The following ZNF829 variants were observed in gnomAD, a reference collection of about 807,000 sequenced individuals.
ZNF829 encodes the protein zinc finger protein 829.
ZNF829 carries 25 observed loss-of-function variants against 35.2 expected under a neutral mutation model. The observed-to-expected ratio is 0.71, with a 90% CI of 0.52 to 0.99. The LOEUF (loss-of-function observed/expected upper bound fraction) is 0.99, where lower values mean the gene tolerates loss of function less well. ZNF829 is among the 50% of genes least tolerant of loss of function. The pLI is 0.00. For missense variants in ZNF829, 417 were observed against 515.3 expected (o/e 0.81, Z 1.85); for synonymous variants, 136 against 163.2 (o/e 0.83, Z 1.27).
At chr19:36,899,758 C>T (rs372796844) in intron 5 of ZNF829, among the ~76,000 whole-genome samples, 2 of 130,100 alleles carry the variant, frequency 1.5e-5, no homozygotes, top group African/African-American at 2.8e-5. Context: ...TTACCCTAAA[C>T]AAAAAAAAAA....
rs1047196212 is a variant in ZNF829 at position 36,915,664 on chromosome 19, C to A, written c.-85+347G>T. On this transcript the variant is annotated intron_variant, in intron 1 of 5. Transcript: ENST00000391711. ...CCAGGCTGGAGTGCAGTGGTGCGAT[C>A]TCGGCTCACTGCAACCTCCGCCTCC... The A allele has an allele frequency of 4.9e-6, 3 of 609,774 alleles. No individual in the cohort carries two copies. The African/African-American group carries it at 5.6e-5, about 11-fold the overall frequency. The allele number at this position is 609,774 out of a possible 1,614,324, so 37.8% of individuals were successfully genotyped here.
At chr19:36,896,064 C>A (rs2073109708) in intron 5 of ZNF829, among the ~76,000 whole-genome samples, 1 of 152,128 alleles carries the variant, frequency 6.6e-6, no homozygotes, top group Admixed American at 6.5e-5. Flanking sequence ...GTAATCCCAG[C>A]ACTTTGGGAG....
intron 5 of ZNF829, among the ~76,000 whole-genome samples, chr19:36,899,253 A>G (rs1012048778): frequency 1.3e-5 from 2 of 150,198 alleles, no homozygotes; most frequent in African/African-American, 5.0e-5. Flanking sequence ...CAGCCTGGGG[A>G]ACATAGGGAG....
chr19:36,903,362 TATA>T (rs1414054294), intron 5 of ZNF829, among the ~76,000 whole-genome samples: 1 of 152,214 alleles, frequency 6.6e-6, no homozygotes, highest in African/African-American at 2.4e-5. Flanking sequence ...TAATTTTAGT[TATA>T]GTATGTGCAG....
intron 5 of ZNF829, chr19:36,901,749 C>T: frequency 1.9e-6 from 1 of 521,398 alleles, no homozygotes. Flanking sequence ...AGAATGGCTC[C>T]CACAAAGAAG....
chr19:36,907,381 A>G (rs1258158304), intron 5 of ZNF829: 1 of 152,178 alleles, frequency 6.6e-6, no homozygotes, highest in Non-Finnish European at 1.5e-5. Context: ...GGGGCAGAGA[A>G]GGGGTTCTGA....
At chr19:36,914,112 C>T (rs781240981) in intron 3 of ZNF829, among the ~76,000 whole-genome samples, 52 of 152,158 alleles carry the variant, frequency 3.4e-4, no homozygotes, top group Non-Finnish European at 7.2e-4. Context: ...AATATCTAAA[C>T]ATGAAAGTGA....
intron 1 of ZNF829, chr19:36,915,732 G>T: frequency 1.1e-6 from 1 of 872,306 alleles, no homozygotes; most frequent in South Asian, 1.6e-5. Flanking sequence ...GAGTAGCTGG[G>T]ATTACAGGCG....
At chr19:36,901,908 A>C in intron 5 of ZNF829, 1 of 763,618 alleles carries the variant, frequency 1.3e-6, no homozygotes, top group Non-Finnish European at 2.4e-6. Context: ...GCCATGAAGG[A>C]GATGGGAACT....
chr19:36,891,128 C>T lies in ZNF829; in HGVS notation c.*364G>A, dbSNP rs59122318. On this transcript the variant is annotated 3_prime_UTR_variant, in exon 6 of 6. Coordinates refer to ENST00000391711, the MANE Select transcript of ZNF829 (RefSeq NM_001037232.4). ...AAAAGACATACACAGAGATACACAG[C>T]GAGAATGCAATGTGAAGATGGAGGC... is the stretch of plus-strand genomic sequence containing the variant. 2.8e-5 allele frequency: 5 copies of T among 176,288 alleles called. No homozygotes were observed. Among genetic ancestry groups the T allele is most frequent in the Non-Finnish European group, 3.5e-5 (3 of 84,588 alleles). The allele number at this position is 176,288 out of a possible 1,614,324, so 10.9% of individuals were successfully genotyped here. A position where few individuals can be genotyped will look rare whatever the true frequency, so the allele number is the denominator to read the frequency against.
intron 3 of ZNF829, among the ~76,000 whole-genome samples, chr19:36,910,171 A>AGTTGAACG (rs1431894298): frequency 6.7e-6 from 1 of 149,804 alleles, no homozygotes; most frequent in Non-Finnish European, 1.5e-5. Flanking sequence ...TGCAACCTCC[A>AGTTGAACG]CCTCCCGGGT....
Position 36,892,049 on chromosome 19 carries a change from C to A in ZNF829, c.742G>T (p.Ala248Ser), listed in dbSNP as rs1238938369. The change falls in exon 6 of 6, where the codon GCC becomes TCC. Residue 248 changes from alanine to serine, a missense_variant. Physicochemically the swap from Ala to Ser is moderately conservative, Grantham distance 99. Coordinates refer to ENST00000391711, the MANE Select transcript of ZNF829 (RefSeq NM_001037232.4). ...TTAAGGTTTGAGCAATACTTAAAGG[C>A]TTTTCCACATTCCTTACATTCATAG... ...KPYECKECGKAFKYCSNLNDH... is the reference protein window; with the variant it reads ...KPYECKECGKSFKYCSNLNDH... The A allele has an allele frequency of 1.5e-5, 25 of 1,613,898 alleles. No individual in the cohort carries two copies. Among genetic ancestry groups the A allele is most frequent in the Admixed American group, 5.0e-5 (3 of 60,004 alleles).
intron 5 of ZNF829, among the ~76,000 whole-genome samples, 176 bp from the exon 6 acceptor site, chr19:36,892,647 A>G (rs1328940917): frequency 2.6e-5 from 4 of 152,194 alleles, no homozygotes; most frequent in Non-Finnish European, 5.9e-5. Context: ...AGAGGTAATA[A>G]AAGAAGCTGA....
chr19:36,892,816 A>T (rs1439175371), intron 5 of ZNF829: 1 of 779,130 alleles, frequency 1.3e-6, no homozygotes, highest in African/African-American at 1.8e-5. Flanking sequence ...CCCCCACCCC[A>T]GATCCCCCAC....
intron 5 of ZNF829, among the ~76,000 whole-genome samples, chr19:36,895,244 A>G (rs1028644861): frequency 6.6e-6 from 1 of 152,202 alleles, no homozygotes; most frequent in Admixed American, 6.5e-5. Flanking sequence ...AATGAAGGAG[A>G]AAGTTTTTCC....
intron 5 of ZNF829, among the ~76,000 whole-genome samples, chr19:36,900,145 AACACACAC>A (rs56218050): frequency 0.046 from 5,540 of 120,366 alleles, 169 homozygotes; most frequent in Middle Eastern, 0.065. Flanking sequence ...GTCTCTACTA[AACACACAC>A]ACACACACAC....
At position 36,914,969 on chromosome 19, in the gene ZNF829, G is replaced by C; in HGVS notation, c.92C>G (p.Ser31Cys). 6.2e-7 allele frequency: 1 copy of C among 1,614,084 alleles called. No homozygotes were observed. Residue 31 changes from serine (S) to cysteine (C), a missense_variant, in exon 3 of 6, where the codon TCC becomes TGC. By Grantham distance (112) the Ser-to-Cys change is moderately radical. Transcript: ENST00000391711. ...RMHDELLQAV[S>C]KGPVMFRDVS... ...AAAGAGGAAACCCCAACACACCTTG[G>C]ATACTGCTTGTAGAAGTTCATCATG...
In ZNF829 at chr19:36,916,136, C is replaced by A; in HGVS notation, c.-210G>T. The A allele has an allele frequency of 3.6e-6, 2 of 548,744 alleles. No individual in the cohort carries two copies. Among genetic ancestry groups the A allele is most frequent in the South Asian group, 4.8e-5 (2 of 42,090 alleles). The allele number at this position is 548,744 out of a possible 1,614,324, so 34.0% of individuals were successfully genotyped here. On this transcript the variant is annotated 5_prime_UTR_variant, in exon 1 of 6. Coordinates refer to ENST00000391711, the MANE Select transcript of ZNF829 (RefSeq NM_001037232.4). The surrounding 1 kb of genome is among the most constrained non-coding windows in gnomAD (Gnocchi z 5.3). ...GGACCCACGCCGATTCCTGTCAGCT[C>A]CTCGCCTGGGCCCACCCGAAACGGC... is the stretch of plus-strand genomic sequence containing the variant.
At chr19:36,909,578 G>A (rs11883110) in intron 3 of ZNF829, among the ~76,000 whole-genome samples, 3,805 of 152,174 alleles carry the variant, frequency 0.025, 170 homozygotes, top group African/African-American at 0.087. Flanking sequence ...GGAGGCCGAG[G>A]CAGGAGGATC....
Sources: gnomAD v4.1 joint callset for allele counts (sites outside exome capture counted in the v4.1 genomes callset) on GRCh38, gnomAD v4.1.1 for gene constraint, Gnocchi (gnomAD v3.1) non-coding constraint, MANE v1.5 for transcripts, NCBI Gene and HGNC (gene_info 2026-07-23, HGNC 2026-07-21) for gene names.